CASR: variants seen among roughly 807,000 people sequenced by gnomAD.
The protein encoded by CASR is extracellular calcium-sensing receptor.
CASR carries 23 observed loss-of-function variants against 69.1 expected under a neutral mutation model. The ratio of observed to expected loss-of-function variants is 0.33; its 90% CI spans 0.24 to 0.47. The LOEUF is 0.47. Among genes scored for constraint, CASR ranks in the 20% least tolerant of loss-of-function variants. CASR has a pLI of 1.00. For missense variants in CASR, 924 were observed against 1,356.1 expected (o/e 0.68, Z 5.00); for synonymous variants, 541 against 544.7 (o/e 0.99, Z 0.10).
At chr3:122,252,441 G>GAAAGAAAGAAAGAA (rs1559954380) in intron 1 of CASR, among the ~76,000 whole-genome samples, 1 of 79,046 alleles carries the variant, frequency 1.3e-5, no homozygotes, top group African/African-American at 5.5e-5. Flanking sequence ...AAGAAAGAAA[G>GAAAGAAAGAAAGAA]AAAGAAAAAA....
chr3:122,219,768 T>C (rs1332386086), intron 1 of CASR, among the ~76,000 whole-genome samples: 1 of 152,224 alleles, frequency 6.6e-6, no homozygotes, highest in Admixed American at 6.5e-5. Context: ...ATTGGAGATT[T>C]ATTTGTGGAA....
chr3:122,271,472 T>G (rs2074756889), intron 4 of CASR, among the ~76,000 whole-genome samples: 1 of 152,222 alleles, frequency 6.6e-6, no homozygotes, highest in Admixed American at 6.5e-5. Context: ...CTCAACTCGC[T>G]ACACCAAGTA....
At chr3:122,183,995 A>G (rs1299301074) in intron 1 of CASR, among the ~76,000 whole-genome samples, 183 bp downstream of exon 1, 2 of 152,030 alleles carry the variant, frequency 1.3e-5, no homozygotes, top group African/African-American at 4.8e-5. Flanking sequence ...AGGATTTGAG[A>G]GCCGGGAACC....
intron 1 of CASR, among the ~76,000 whole-genome samples, chr3:122,227,668 T>G (rs1450735104): frequency 6.6e-6 from 1 of 151,978 alleles, no homozygotes; most frequent in Non-Finnish European, 1.5e-5. Flanking sequence ...ACGGCCACAG[T>G]GGGAGCCAAG....
intron 4 of CASR, among the ~76,000 whole-genome samples, chr3:122,265,736 T>G (rs2074685571): frequency 6.6e-6 from 1 of 152,208 alleles, no homozygotes. Context: ...CATGTAAGTA[T>G]GAAATCACCT....
intron 1 of CASR, among the ~76,000 whole-genome samples, chr3:122,225,384 GAAAAA>G (rs1000707991): frequency 6.2e-5 from 9 of 144,676 alleles, no homozygotes; most frequent in African/African-American, 1.3e-4. Flanking sequence ...GAAAAAAAAA[GAAAAA>G]AAAACATTTA....
chr3:122,227,578 C>A (rs1485360056), intron 1 of CASR, among the ~76,000 whole-genome samples: 3 of 152,230 alleles, frequency 2.0e-5, no homozygotes, highest in Non-Finnish European at 2.9e-5. Context: ...TCCCTGCGAG[C>A]TGAGCGAACA....
intron 1 of CASR, among the ~76,000 whole-genome samples, chr3:122,244,638 C>T (rs140130184): frequency 1.8e-3 from 277 of 152,120 alleles, no homozygotes; most frequent in African/African-American, 6.5e-3. Context: ...TGAGTGGGGG[C>T]TCCGGAGTTC....
At chr3:122,204,568 T>G (rs2073987807) in intron 1 of CASR, among the ~76,000 whole-genome samples, 1 of 152,146 alleles carries the variant, frequency 6.6e-6, no homozygotes, top group African/African-American at 2.4e-5. Flanking sequence ...TCTTGATATA[T>G]TGACTTTTTT....
chr3:122,209,512 CAAAG>C (rs765404690), intron 1 of CASR, among the ~76,000 whole-genome samples: 11 of 152,274 alleles, frequency 7.2e-5, no homozygotes, highest in African/African-American at 2.4e-4. Flanking sequence ...TGGTGTCAGA[CAAAG>C]AGAGCTTGTG....
At chr3:122,263,456 C>T (rs1185354826) in intron 4 of CASR, among the ~76,000 whole-genome samples, 2 of 152,198 alleles carry the variant, frequency 1.3e-5, no homozygotes, top group Non-Finnish European at 1.5e-5. Flanking sequence ...AAGCTCTAAA[C>T]AGATGTGTGA....
At chr3:122,257,957 G>C (rs528773871) in intron 3 of CASR, among the ~76,000 whole-genome samples, 1 of 152,256 alleles carries the variant, frequency 6.6e-6, no homozygotes, top group East Asian at 1.9e-4. Context: ...TCCACTTTGC[G>C]GGAACTTAGC....
chr3:122,252,473 G>GAAAAGAAAGAAAAGAA (rs397948846), intron 1 of CASR, among the ~76,000 whole-genome samples: 2 of 102,136 alleles, frequency 2.0e-5, no homozygotes, highest in African/African-American at 7.8e-5. Context: ...GAAAAGAAAA[G>GAAAAGAAAGAAAAGAA]AAGGGAGGGA....
At position 122,284,037 on chromosome 3, in the gene CASR, A is replaced by G. The variant is rs751692522; in HGVS notation, c.2083A>G (p.Ile695Val). 2 of 1,614,160 alleles carry G rather than the reference A, an allele frequency of 1.2e-6. No homozygotes were observed. The highest frequency in any genetic ancestry group is 1.7e-6 in the Non-Finnish European group (2 of 1,180,024). The change falls in exon 7 of 7, where the codon ATC becomes GTC. Residue 695 changes from isoleucine to valine, a missense_variant. This residue lies in a region of CASR where 184 missense variants were observed against 278.8 expected (regional missense o/e 0.66). Coordinates refer to ENST00000639785, the MANE Select transcript of CASR (RefSeq NM_000388.4). ...GISFVLCISC[I>V]LVKTNRVLLV... Reference sequence around the variant, plus strand: ...CAGCTTCGTGCTCTGCATCTCATGCATCCTGGTGAAAACCAACCGTGTCCT... The same window carrying G: ...CAGCTTCGTGCTCTGCATCTCATGCGTCCTGGTGAAAACCAACCGTGTCCT...
intron 1 of CASR, among the ~76,000 whole-genome samples, chr3:122,242,297 A>G (rs1259273679): frequency 6.6e-6 from 1 of 152,116 alleles, no homozygotes; most frequent in African/African-American, 2.4e-5. Flanking sequence ...GACTCCACCA[A>G]AAAAACTATT....
In CASR at chr3:122,201,824, G is replaced by A. The variant is rs538269575; in HGVS notation, c.-243+18012G>A. 3.9e-3 allele frequency among the ~76,000 whole-genome samples: 589 copies of A among 151,696 alleles called. 2 individuals are homozygous for A. Among genetic ancestry groups the A allele is most frequent in the African/African-American group, 0.013 (547 of 41,336 alleles). On this transcript the variant is annotated intron_variant, in intron 1 of 6. Transcript: ENST00000639785. Reference sequence around the variant, plus strand: ...GCTCCCCACATCTCAGACGATGGGCGGCCGGGCAGAGACGCTCCTCACTTC... The same window carrying A: ...GCTCCCCACATCTCAGACGATGGGCAGCCGGGCAGAGACGCTCCTCACTTC...
intron 3 of CASR, among the ~76,000 whole-genome samples, chr3:122,259,136 C>A (rs185414556): frequency 5.1e-4 from 77 of 152,242 alleles, no homozygotes; most frequent in Middle Eastern, 6.8e-3. Flanking sequence ...ATGGTATTTA[C>A]CCCACTTTAG....
At chr3:122,214,076 T>C (rs2074093570) in intron 1 of CASR, among the ~76,000 whole-genome samples, 1 of 152,222 alleles carries the variant, frequency 6.6e-6, no homozygotes, top group African/African-American at 2.4e-5. Context: ...TGTTGTTGCT[T>C]ACTATCTCTT....
chr3:122,219,848 G>A (rs1258542909), intron 1 of CASR, among the ~76,000 whole-genome samples: 1 of 152,236 alleles, frequency 6.6e-6, no homozygotes, highest in Non-Finnish European at 1.5e-5. Context: ...CTGCCTTGCA[G>A]ATTTAGTTTG....
Sources: allele counts gnomAD v4.1 joint callset (sites outside exome capture counted in the v4.1 genomes callset), GRCh38; gene constraint gnomAD v4.1.1; regional missense constraint gnomAD v4.1.1; transcripts MANE v1.5; gene names NCBI Gene and HGNC (gene_info 2026-07-23, HGNC 2026-07-21).